Variants in TBCD observed in about 807,000 individuals in gnomAD.
The protein encoded by TBCD is tubulin-specific chaperone D.
Under a neutral mutation model 169.3 loss-of-function variants are expected in TBCD, and 105 were observed. The ratio of observed to expected loss-of-function variants is 0.62; its 90% CI spans 0.53 to 0.73. TBCD has a LOEUF of 0.73. Among genes scored for constraint, TBCD ranks in the 30% least tolerant of loss-of-function variants. TBCD has a pLI of 0.00. For synonymous variants in TBCD, 700 were observed against 643.9 expected (o/e 1.09, Z -1.32); for missense variants, 1,444 against 1,600.1 (o/e 0.90, Z 1.66).
chr17:82,849,621 C>CA (rs1209587193), intron 13 of TBCD, among the ~76,000 whole-genome samples: 3 of 152,202 alleles, frequency 2.0e-5, no homozygotes, highest in Non-Finnish European at 2.9e-5. Flanking sequence ...GGCATTGTTC[C>CA]AAGCACACGG....
chr17:82,881,918 C>A (rs2058379570), intron 14 of TBCD, among the ~76,000 whole-genome samples: 1 of 150,560 alleles, frequency 6.6e-6, no homozygotes, highest in African/African-American at 2.4e-5. Flanking sequence ...CCCCCTCTCC[C>A]CTCCTCCCTT....
intron 13 of TBCD, among the ~76,000 whole-genome samples, chr17:82,822,431 G>A (rs983414786): frequency 3.9e-5 from 6 of 152,218 alleles, no homozygotes; most frequent in East Asian, 1.9e-4. Context: ...AGCTTCTACC[G>A]TGAAGGAGCC....
chr17:82,794,596 C>T (rs1205806020), intron 7 of TBCD, among the ~76,000 whole-genome samples: 1 of 152,234 alleles, frequency 6.6e-6, no homozygotes, highest in Admixed American at 6.5e-5. Flanking sequence ...AGTGCGCTCT[C>T]TCTGGCCGCG....
intron 8 of TBCD, among the ~76,000 whole-genome samples, 174 bp from the exon 9 acceptor site, chr17:82,800,690 C>T (rs1568153561): frequency 6.6e-6 from 1 of 152,080 alleles, no homozygotes; most frequent in Admixed American, 6.5e-5. Flanking sequence ...GCAAGGAAGT[C>T]GAGTAGGTTC....
intron 17 of TBCD, 181 bp from the exon 18 acceptor site, chr17:82,900,470 C>T (rs879864398): frequency 3.1e-5 from 18 of 578,292 alleles, no homozygotes; most frequent in South Asian, 8.7e-5. Flanking sequence ...GTGTAAAGCC[C>T]GTGTGTGCAC....
chr17:82,896,579 CCTCAGCCTCCCGA>C (rs1470553776), intron 17 of TBCD, among the ~76,000 whole-genome samples: 1 of 151,942 alleles, frequency 6.6e-6, no homozygotes, highest in East Asian at 1.9e-4. Flanking sequence ...GATCCTCCCA[CCTCAGCCTCCCGA>C]GTAGCTGGGA....
At chr17:82,870,920 T>C (rs1235462410) in intron 14 of TBCD, among the ~76,000 whole-genome samples, 1 of 152,284 alleles carries the variant, frequency 6.6e-6, no homozygotes, top group Non-Finnish European at 1.5e-5. Context: ...TGTGTTTTTG[T>C]GGACCAGCAC....
chr17:82,858,439 T>TCCAG (rs1169132375), intron 13 of TBCD: 4 of 342,442 alleles, frequency 1.2e-5, no homozygotes, highest in Non-Finnish European at 1.2e-5. Context: ...TTTTGCTAGC[T>TCCAG]CCAGGCCTAT....
intron 14 of TBCD, among the ~76,000 whole-genome samples, chr17:82,871,241 C>T (rs1163070072): frequency 6.6e-6 from 1 of 151,452 alleles, no homozygotes; most frequent in Non-Finnish European, 1.5e-5. Context: ...AAACATGTGT[C>T]CCCAGCGCAG....
At chr17:82,900,626 C>T (rs755296223) in intron 17 of TBCD, 25 bp from the exon 18 acceptor site, 1 of 1,603,226 alleles carries the variant, frequency 6.2e-7, no homozygotes, top group South Asian at 1.1e-5. Flanking sequence ...CGCGTCTCAC[C>T]ACCTCTCCAT....
chr17:82,838,852 C>G, intron 13 of TBCD: 1 of 985,390 alleles, frequency 1.0e-6, no homozygotes, highest in Non-Finnish European at 1.2e-6. Flanking sequence ...CAAACGCTCA[C>G]CACTTTACAG....
chr17:82,815,262 C>T (rs1339675837), intron 13 of TBCD, among the ~76,000 whole-genome samples: 2 of 152,164 alleles, frequency 1.3e-5, no homozygotes, highest in East Asian at 1.9e-4. Flanking sequence ...TGGAGGGCCA[C>T]GAATCCTTGT....
Position 82,831,988 on chromosome 17 carries a change from G to A in TBCD, c.1318+17054G>A, listed in dbSNP as rs1567854208. The A allele has an allele frequency of 6.2e-7, 1 of 1,613,292 alleles. No homozygotes were observed. Among genetic ancestry groups the A allele is most frequent in the Non-Finnish European group, 8.5e-7 (1 of 1,179,358 alleles). On this transcript the variant is annotated intron_variant, in intron 13 of 38. Transcript: ENST00000355528. This position sits in a 1 kb window ranked among gnomAD's most constrained non-coding sequence, Gnocchi z 4.6. ...TGGAACAAATGCAGAAGGCCGAGCT[G>A]CGCCTTCCAGAGCAGGCTGGGCACC...
chr17:82,872,962 ACGGCTTCTGAGCCAGGCCCGGCACCTC>A (rs2057709339), intron 14 of TBCD, among the ~76,000 whole-genome samples: 2 of 145,536 alleles, frequency 1.4e-5, no homozygotes, highest in Non-Finnish European at 3.0e-5. Context: ...CTCGTGGCCG[ACGGCTTCTGAGCCAGGCCCGGCACCTC>A]GTGGCCGACG....
chr17:82,936,442 G>T (rs192512683), intron 34 of TBCD, among the ~76,000 whole-genome samples: 2 of 152,136 alleles, frequency 1.3e-5, no homozygotes, highest in Non-Finnish European at 2.9e-5. Context: ...TGTTTGGCTG[G>T]GTGTGTCTGA....
intron 33 of TBCD, 65 bp from the exon 34 acceptor site, chr17:82,932,593 C>A: frequency 7.4e-7 from 1 of 1,342,756 alleles, no homozygotes; most frequent in Non-Finnish European, 1.1e-6. Context: ...TGACTCTCAG[C>A]CATTCAGGGA....
At chr17:82,850,589 C>CCTGTTGTTGGCTGTG (rs1398442251) in intron 13 of TBCD, among the ~76,000 whole-genome samples, 5 of 86,990 alleles carry the variant, frequency 5.7e-5, no homozygotes, top group East Asian at 6.9e-4. Context: ...TGTTGGCTGT[C>CCTGTTGTTGGCTGTG]CTGTTGTTGG....
Position 82,781,546 on chromosome 17 carries a change from G to A in TBCD, c.639-43G>A, listed in dbSNP as rs373119716. The A allele has an allele frequency of 3.7e-6, 6 of 1,609,466 alleles. No individual in the cohort carries two copies. In the African/African-American group the frequency reaches 5.3e-5, roughly 14 times the overall value. On this transcript the variant is annotated intron_variant, in intron 6 of 38. Coordinates refer to ENST00000355528, the MANE Select transcript of TBCD (RefSeq NM_005993.5). Reference sequence around the variant, plus strand: ...GGTGGGCTGGTGAGGCGTGGGCGAGGTCTCAGTGCTGAGGCCTTGGTTGAG... The same window carrying A: ...GGTGGGCTGGTGAGGCGTGGGCGAGATCTCAGTGCTGAGGCCTTGGTTGAG...
Position 82,764,077 on chromosome 17 carries a change from G to A in TBCD, c.333+15G>A. ...TCATCACCAAGGTAACATTTCCATAGCACTTCAGAGTTGACAGATACTTTT... is the reference window on the plus strand; with the variant it reads ...TCATCACCAAGGTAACATTTCCATAACACTTCAGAGTTGACAGATACTTTT... On this transcript the variant is annotated intron_variant, in intron 3 of 38. Transcript: ENST00000355528. The A allele has an allele frequency of 6.3e-7, 1 of 1,588,460 alleles. No homozygotes were observed. The highest frequency in any genetic ancestry group is 8.6e-7 in the Non-Finnish European group (1 of 1,157,808).
Sources: allele counts gnomAD v4.1 joint callset (sites outside exome capture counted in the v4.1 genomes callset), GRCh38; gene constraint gnomAD v4.1.1; non-coding constraint Gnocchi (gnomAD v3.1); transcripts MANE v1.5; gene names NCBI Gene and HGNC (gene_info 2026-07-23, HGNC 2026-07-21).